KIRREL1: variants seen among roughly 807,000 people sequenced by gnomAD.
KIRREL1 encodes the protein kirre like nephrin family adhesion molecule 1.
Under a neutral mutation model 83.3 loss-of-function variants are expected in KIRREL1, and 25 were observed. The observed-to-expected ratio is 0.30, with a 90% CI of 0.22 to 0.42. The LOEUF (loss-of-function observed/expected upper bound fraction) is 0.42. Ranked by LOEUF, KIRREL1 falls within the 10% of genes least tolerant of loss-of-function variation. The pLI, the probability that KIRREL1 is intolerant of heterozygous loss-of-function variation, is 1.00. For missense variants in KIRREL1, 812 were observed against 1,032.3 expected (o/e 0.79, Z 2.92); for synonymous variants, 388 against 410.4 (o/e 0.95, Z 0.66).
intron 1 of KIRREL1, among the ~76,000 whole-genome samples, chr1:158,053,363 A>G (rs1275728798): frequency 3.3e-5 from 5 of 152,178 alleles, no homozygotes; most frequent in Non-Finnish European, 4.4e-5. Context: ...CCTATCTTTC[A>G]TAAACAATAA....
chr1:158,088,030 T>A lies in KIRREL1; in HGVS notation c.792T>A (p.Ile264=). The change falls in exon 7 of 15, where the codon ATT becomes ATA. Residue 264 remains isoleucine, a synonymous_variant. Coordinates refer to ENST00000359209, the MANE Select transcript of KIRREL1 (RefSeq NM_018240.7). ...GYRWAKGGFL[I]EDAHESRYET... is the part of the protein sequence containing the mutation. ...GGTGGGCCAAAGGGGGTTTCTTGAT[T>A]GAAGACGCCCACGAGAGTCGCTATG... The A allele has an allele frequency of 6.2e-7, 1 of 1,614,196 alleles. No individual in the cohort carries two copies. The highest frequency in any genetic ancestry group is 8.5e-7 in the Non-Finnish European group (1 of 1,180,030).
chr1:158,044,141 C>T (rs2101583426), intron 1 of KIRREL1, among the ~76,000 whole-genome samples: 1 of 152,242 alleles, frequency 6.6e-6, no homozygotes, highest in East Asian at 1.9e-4. Flanking sequence ...TGGACATGGC[C>T]CCTGCCTTTG....
intron 3 of KIRREL1, among the ~76,000 whole-genome samples, chr1:158,081,813 G>T (rs1023108085): frequency 3.9e-5 from 6 of 152,148 alleles, no homozygotes; most frequent in African/African-American, 7.2e-5. Flanking sequence ...TGACAGATGG[G>T]TAGTCTTTGC....
At chr1:158,007,851 C>A (rs1659563115) in intron 1 of KIRREL1, among the ~76,000 whole-genome samples, 1 of 151,994 alleles carries the variant, frequency 6.6e-6, no homozygotes, top group Non-Finnish European at 1.5e-5. Flanking sequence ...GCCGGATGCT[C>A]CCCGCTCCTG....
At chr1:158,011,305 C>T (rs1326265778) in intron 1 of KIRREL1, among the ~76,000 whole-genome samples, 2 of 152,242 alleles carry the variant, frequency 1.3e-5, no homozygotes, top group African/African-American at 2.4e-5. Context: ...AACTAACAAA[C>T]GACAAACCAA....
intron 1 of KIRREL1, among the ~76,000 whole-genome samples, chr1:158,002,698 T>C (rs1160756814): frequency 6.6e-6 from 1 of 151,902 alleles, no homozygotes; most frequent in African/African-American, 2.4e-5. Flanking sequence ...GAGAGAGGTA[T>C]GTGAAAAATG....
At chr1:158,064,457 A>C (rs1437598721) in intron 1 of KIRREL1, among the ~76,000 whole-genome samples, 1 of 152,194 alleles carries the variant, frequency 6.6e-6, no homozygotes, top group African/African-American at 2.4e-5. Context: ...GTGTAAGTCC[A>C]AAGTAAGAAG....
At chr1:158,045,040 T>C (rs1660738476) in intron 1 of KIRREL1, among the ~76,000 whole-genome samples, 1 of 151,558 alleles carries the variant, frequency 6.6e-6, no homozygotes, top group South Asian at 2.1e-4. Flanking sequence ...GTTCAGGGAG[T>C]AGGCACATTA....
chr1:158,005,706 C>G (rs1659498281), intron 1 of KIRREL1, among the ~76,000 whole-genome samples: 1 of 152,084 alleles, frequency 6.6e-6, no homozygotes, highest in South Asian at 2.1e-4. Flanking sequence ...GAAGGTAGGT[C>G]ATAGACTTAA....
chr1:158,013,618 A>T (rs1557988421), intron 1 of KIRREL1, among the ~76,000 whole-genome samples: 1 of 152,184 alleles, frequency 6.6e-6, no homozygotes, highest in Non-Finnish European at 1.5e-5. Context: ...TACAAATGAA[A>T]ACCAAGACTC....
chr1:158,020,075 G>A (rs1033962911), intron 1 of KIRREL1, among the ~76,000 whole-genome samples: 3 of 152,074 alleles, frequency 2.0e-5, no homozygotes, highest in Admixed American at 6.6e-5. Context: ...TGATGGCTGT[G>A]CAGGGAGCAC....
chr1:158,049,293 T>C (rs1002827181), intron 1 of KIRREL1, among the ~76,000 whole-genome samples: 4 of 152,294 alleles, frequency 2.6e-5, no homozygotes, highest in South Asian at 4.1e-4. Flanking sequence ...ACAAGTACTA[T>C]GGGAATTCAG....
At position 158,099,631 on chromosome 1, in the gene KIRREL1, CTTA is replaced by C. The variant is rs1662440720; in HGVS notation, c.*4515_*4517del. ...TGGGCAGTTCTGGTACAAACCTGCC[CTTA>C]TTAATAATAACAATAATAATAATAA... is the stretch of plus-strand genomic sequence containing the variant. On this transcript the variant is annotated 3_prime_UTR_variant, in exon 15 of 15. Coordinates refer to ENST00000359209, the MANE Select transcript of KIRREL1 (RefSeq NM_018240.7). The C allele has an allele frequency of 6.6e-6, 1 of 152,072 alleles. No homozygotes were observed. The highest frequency in any genetic ancestry group is 2.1e-4 in the South Asian group (1 of 4,820). The allele number at this position is 152,072 out of a possible 1,614,324, so 9.4% of individuals were successfully genotyped here. A position where few individuals can be genotyped will look rare whatever the true frequency, so the allele number is the denominator to read the frequency against.
chr1:158,040,563 A>G (rs548138606), intron 1 of KIRREL1, among the ~76,000 whole-genome samples: 1 of 152,372 alleles, frequency 6.6e-6, no homozygotes, highest in Non-Finnish European at 1.5e-5. Flanking sequence ...TCCATTGTCT[A>G]GGAGAATACA....
chr1:158,044,793 T>C (rs1048142322), intron 1 of KIRREL1, among the ~76,000 whole-genome samples: 2 of 152,086 alleles, frequency 1.3e-5, no homozygotes, highest in Non-Finnish European at 1.5e-5. Context: ...ATACAGCAAT[T>C]AACACAAAGA....
chr1:158,070,314 C>T (rs1042304473), intron 1 of KIRREL1, among the ~76,000 whole-genome samples: 26 of 152,214 alleles, frequency 1.7e-4, no homozygotes, highest in Non-Finnish European at 3.1e-4. Context: ...CCATCTCTGC[C>T]ACTTAACAGC....
intron 1 of KIRREL1, among the ~76,000 whole-genome samples, chr1:158,043,508 C>T (rs1446016233): frequency 6.6e-6 from 1 of 152,180 alleles, no homozygotes; most frequent in South Asian, 2.1e-4. Context: ...GGATAAAGGC[C>T]TCTGTGTCTG....
chr1:158,066,202 C>T (rs1661353833), intron 1 of KIRREL1, among the ~76,000 whole-genome samples: 1 of 152,034 alleles, frequency 6.6e-6, no homozygotes, highest in Non-Finnish European at 1.5e-5. Context: ...TCCCTCCCTC[C>T]CTCCCTGACC....
intron 1 of KIRREL1, among the ~76,000 whole-genome samples, chr1:158,071,689 T>A (rs1558010615): frequency 6.6e-6 from 1 of 152,118 alleles, no homozygotes; most frequent in Non-Finnish European, 1.5e-5. Context: ...GTGTTTCTGT[T>A]TGGCACTGGT....
Sources: allele counts gnomAD v4.1 joint callset (sites outside exome capture counted in the v4.1 genomes callset), GRCh38; gene constraint gnomAD v4.1.1; transcripts MANE v1.5; gene names NCBI Gene and HGNC (gene_info 2026-07-23, HGNC 2026-07-21).